Variants in GABRG1 observed in about 807,000 individuals in gnomAD.
GABRG1 encodes gamma-aminobutyric acid receptor subunit gamma-1.
GABRG1 carries 49 observed loss-of-function variants against 49.8 expected under a neutral mutation model. That is an observed-to-expected ratio of 0.98 (90% CI 0.78 to 1.25). The LOEUF is 1.25. Among genes scored for constraint, GABRG1 ranks in the 50% most tolerant of loss-of-function variants. GABRG1 has a pLI of 0.00. For synonymous variants in GABRG1, 232 were observed against 185.1 expected (o/e 1.25, Z -2.06); for missense variants, 552 against 552.3 (o/e 1.00, Z 0.01).
At chr4:46,075,231 G>A (rs1328702600) in intron 3 of GABRG1, among the ~76,000 whole-genome samples, 1 of 151,836 alleles carries the variant, frequency 6.6e-6, no homozygotes, top group African/African-American at 2.4e-5. Context: ...AAATTTATAG[G>A]TGAAAATGGC....
intron 1 of GABRG1, among the ~76,000 whole-genome samples, chr4:46,119,519 T>C (rs1293021017): frequency 6.6e-6 from 1 of 151,520 alleles, no homozygotes; most frequent in Non-Finnish European, 1.5e-5. Flanking sequence ...ATATCGAGGC[T>C]ATATTCTTCT....
At chr4:46,076,748 A>AAAAAACTG (rs1004548829) in intron 3 of GABRG1, among the ~76,000 whole-genome samples, 1 of 151,614 alleles carries the variant, frequency 6.6e-6, no homozygotes, top group African/African-American at 2.4e-5. Context: ...ATAAAAAACT[A>AAAAAACTG]AAAAAATTGT....
intron 1 of GABRG1, among the ~76,000 whole-genome samples, chr4:46,113,615 G>T (rs779749471): frequency 1.3e-5 from 2 of 151,030 alleles, no homozygotes. Context: ...AATTATATTT[G>T]CCCATTTGGA....
At chr4:46,043,480 C>A (rs887205926) in intron 8 of GABRG1, among the ~76,000 whole-genome samples, 5 of 151,750 alleles carry the variant, frequency 3.3e-5, no homozygotes, top group African/African-American at 1.2e-4. Context: ...AGCCAAAAAT[C>A]TAACACAATG....
At chr4:46,113,804 T>C (rs1308351921) in intron 1 of GABRG1, among the ~76,000 whole-genome samples, 1 of 151,156 alleles carries the variant, frequency 6.6e-6, no homozygotes, top group African/African-American at 2.4e-5. Context: ...GAATATTCTT[T>C]AGTAAATAAA....
chr4:46,058,555 T>C lies in GABRG1; in HGVS notation c.693A>G (p.Lys231=), dbSNP rs1164961509. 2 of 1,613,004 alleles carry C rather than the reference T, an allele frequency of 1.2e-6. No individual in the cohort carries two copies. Among genetic ancestry groups the C allele is most frequent in the Non-Finnish European group, 1.7e-6 (2 of 1,179,398 alleles). The change falls in exon 6 of 9, where the codon AAA becomes AAG. Residue 231 remains lysine (K), a synonymous_variant. Transcript: ENST00000295452. ...ATGCAAACTGATATAATCTCCAGTA[T>C]TTAGGATCAGCCACTTCTACGGAGG... The part of the protein sequence containing the change: ...KKPSVEVADP[K]YWRLYQFAFV...
chr4:46,088,364 GT>G (rs369406212), intron 2 of GABRG1, among the ~76,000 whole-genome samples: 2 of 151,964 alleles, frequency 1.3e-5, no homozygotes, highest in African/African-American at 4.8e-5. Flanking sequence ...TAGAAGATAA[GT>G]TTTTTTACAC....
chr4:46,057,487 C>T (rs556138460), intron 7 of GABRG1, among the ~76,000 whole-genome samples: 28 of 152,136 alleles, frequency 1.8e-4, no homozygotes, highest in Non-Finnish European at 3.1e-4. Flanking sequence ...ATTCCTATAT[C>T]AATACCTGAT....
rs147983563 is a variant in GABRG1 at position 46,082,434 on chromosome 4, A to T, written c.321+1552T>A. 3.3e-3 allele frequency among the ~76,000 whole-genome samples: 499 copies of T among 151,408 alleles called. 2 individuals carry two copies. The highest frequency in any genetic ancestry group is 0.012 in the African/African-American group (484 of 41,358). ...TAAAATTAAATCTACATTCCCACTC[A>T]CTCCCTAGCACCCAGAAACCAGCAC... On this transcript the variant is annotated intron_variant, in intron 3 of 8. Transcript: ENST00000295452.
At chr4:46,076,499 G>A (rs1409679050) in intron 3 of GABRG1, among the ~76,000 whole-genome samples, 1 of 150,032 alleles carries the variant, frequency 6.7e-6, no homozygotes, top group Non-Finnish European at 1.5e-5. Context: ...GTAAATAAAG[G>A]TGTAAAAAAT....
At chr4:46,052,321 C>T (rs1718259363) in intron 7 of GABRG1, among the ~76,000 whole-genome samples, 1 of 151,770 alleles carries the variant, frequency 6.6e-6, no homozygotes, top group Non-Finnish European at 1.5e-5. Context: ...ACATTTTCCA[C>T]CATACATATA....
At chr4:46,051,862 ACTCCTGATATCCATT>A (rs2109398164) in intron 7 of GABRG1, among the ~76,000 whole-genome samples, 1 of 151,876 alleles carries the variant, frequency 6.6e-6, no homozygotes, top group African/African-American at 2.4e-5. Context: ...GTGCAAGTTG[ACTCCTGATATCCATT>A]CTTCCCTTCC....
At chr4:46,087,257 T>A (rs1247874533) in intron 2 of GABRG1, among the ~76,000 whole-genome samples, 1 of 151,666 alleles carries the variant, frequency 6.6e-6, no homozygotes, top group Non-Finnish European at 1.5e-5. Flanking sequence ...TAATATTATT[T>A]CTGAACTGAA....
rs1235692885 is a variant in GABRG1 at position 46,040,932 on chromosome 4, A to G, written c.*56T>C. On this transcript the variant is annotated 3_prime_UTR_variant, in exon 9 of 9. Coordinates refer to ENST00000295452, the MANE Select transcript of GABRG1 (RefSeq NM_173536.4). ...TTAAACTTCAAGTTACTGAAGCACA[A>G]AAGATTCTACTGAATTTAGTCAGAC... 6.6e-7 allele frequency: 1 copy of G among 1,524,376 alleles called. No individual in the cohort carries two copies. Among genetic ancestry groups the G allele is most frequent in the African/African-American group, 1.4e-5 (1 of 71,836 alleles). 94.4% of individuals were successfully genotyped at this position (1,524,376 alleles called of 1,614,324 possible).
At chr4:46,043,518 C>T (rs1327770166) in intron 8 of GABRG1, among the ~76,000 whole-genome samples, 2 of 151,756 alleles carry the variant, frequency 1.3e-5, no homozygotes, top group Non-Finnish European at 2.9e-5. Flanking sequence ...TGATGAAACA[C>T]AGATTTCTGA....
chr4:46,118,651 C>G (rs1000080894), intron 1 of GABRG1, among the ~76,000 whole-genome samples: 4 of 150,998 alleles, frequency 2.6e-5, no homozygotes, highest in African/African-American at 9.7e-5. Context: ...CCCTGCTTAA[C>G]ACACAATGGG....
rs543874058 is a variant in GABRG1, at chr4:46,048,727, G to A, written c.1131+2697C>T. Among the ~76,000 whole-genome samples, 5 of 151,660 alleles carry A rather than the reference G, an allele frequency of 3.3e-5. No individual in the cohort carries two copies. The East Asian group carries it at 9.7e-4, about 30-fold the overall frequency. ...GCAAGGAAGGAAAAATAGAAAGCGAGCAAAAAAGACAAATGAAAGAAAGAG... is the reference window on the plus strand; with the variant it reads ...GCAAGGAAGGAAAAATAGAAAGCGAACAAAAAAGACAAATGAAAGAAAGAG... On this transcript the variant is annotated intron_variant, in intron 8 of 8. Transcript: ENST00000295452.
chr4:46,053,084 C>G (rs1421991529), intron 7 of GABRG1, among the ~76,000 whole-genome samples: 1 of 151,796 alleles, frequency 6.6e-6, no homozygotes, highest in Admixed American at 6.6e-5. Context: ...ACAGTAATAT[C>G]TTGCTTCGTA....
intron 3 of GABRG1, among the ~76,000 whole-genome samples, chr4:46,069,298 G>A (rs1267543740): frequency 3.3e-5 from 5 of 152,064 alleles, no homozygotes; most frequent in Non-Finnish European, 1.5e-5. Flanking sequence ...CACATGGCCA[G>A]AAGAGAACGG....
Sources: allele counts gnomAD v4.1 joint callset (sites outside exome capture counted in the v4.1 genomes callset), GRCh38; gene constraint gnomAD v4.1.1; transcripts MANE v1.5; gene names NCBI Gene and HGNC (gene_info 2026-07-23, HGNC 2026-07-21).